ARK2C: variants seen among roughly 807,000 people sequenced by gnomAD.
The protein encoded by ARK2C is arkadia (RNF111) C-terminal like ring finger ubiquitin ligase 2C, also known as E3 ubiquitin-protein ligase ARK2C.
chr18:46,400,340 C>T, the ARK2C span, among the ~76,000 whole-genome samples: 1 of 152,162 alleles, frequency 6.6e-6, no homozygotes, highest in Admixed American at 6.5e-5. Flanking sequence ...TTTCTGTGTT[C>T]CCCGGAACAG....
the ARK2C span, among the ~76,000 whole-genome samples, chr18:46,399,298 T>C: frequency 6.6e-6 from 1 of 152,172 alleles, no homozygotes; most frequent in Non-Finnish European, 1.5e-5. Context: ...AGGACAAAGC[T>C]TGGACGTGGG....
chr18:46,362,822 C>T, the ARK2C span, among the ~76,000 whole-genome samples: 76 of 152,304 alleles, frequency 5.0e-4, no homozygotes, highest in South Asian at 0.013. Context: ...GCACAACATA[C>T]GAGAGCCAAG....
At chr18:46,433,621 C>A in the ARK2C span, 1 of 929,828 alleles carries the variant, frequency 1.1e-6, no homozygotes, top group South Asian at 1.8e-5. Flanking sequence ...GAGACGGGGG[C>A]GGGGCTACAG....
chr18:46,428,165 C>A, the ARK2C span, among the ~76,000 whole-genome samples: 7 of 151,818 alleles, frequency 4.6e-5, no homozygotes, highest in Non-Finnish European at 7.4e-5. Context: ...AATCCCAGCA[C>A]GTTGGGAGGC....
At chr18:46,435,222 A>C in the ARK2C span, 35 of 1,421,304 alleles carry the variant, frequency 2.5e-5, no homozygotes, top group Non-Finnish European at 3.3e-5. Flanking sequence ...CCGGTTTCTC[A>C]GAGCTCTTGA....
At chr18:46,400,508 T>A in the ARK2C span, among the ~76,000 whole-genome samples, 1 of 152,158 alleles carries the variant, frequency 6.6e-6, no homozygotes, top group Non-Finnish European at 1.5e-5. Flanking sequence ...TTCGTAAGAC[T>A]GTGTGACCTG....
chr18:46,426,304 T>A, the ARK2C span, among the ~76,000 whole-genome samples: 1 of 152,218 alleles, frequency 6.6e-6, no homozygotes, highest in African/African-American at 2.4e-5. Flanking sequence ...AGTGAGCCTT[T>A]TAGAGACTCG....
chr18:46,435,725 G>C, the ARK2C span, among the ~76,000 whole-genome samples: 3 of 152,198 alleles, frequency 2.0e-5, no homozygotes, highest in African/African-American at 4.8e-5. Context: ...GTCCCTGGGG[G>C]GAGAGCAGAA....
At chr18:46,348,010 A>G in the ARK2C span, among the ~76,000 whole-genome samples, 3 of 151,908 alleles carry the variant, frequency 2.0e-5, no homozygotes, top group African/African-American at 4.8e-5. Flanking sequence ...TGTGCCAGGC[A>G]CCCTCCTAAG....
the ARK2C span, among the ~76,000 whole-genome samples, chr18:46,452,445 A>G: frequency 6.6e-6 from 1 of 152,078 alleles, no homozygotes; most frequent in Middle Eastern, 3.4e-3. Flanking sequence ...ACACCCAGCT[A>G]ATTTTTATAT....
At chr18:46,447,315 C>T in the ARK2C span, 2 of 440,710 alleles carry the variant, frequency 4.5e-6, no homozygotes, top group Admixed American at 7.5e-5. Context: ...CTTTGGTCCC[C>T]TAGTTTAAAG....
chr18:46,435,303 G>A, the ARK2C span: 27 of 1,613,948 alleles, frequency 1.7e-5, no homozygotes, highest in South Asian at 2.1e-4. Flanking sequence ...AGTCAGGAGC[G>A]TGTATCTGTC....
the ARK2C span, among the ~76,000 whole-genome samples, chr18:46,361,867 T>TA: frequency 6.6e-6 from 1 of 152,266 alleles, no homozygotes; most frequent in African/African-American, 2.4e-5. Flanking sequence ...GGTTAGGTGA[T>TA]ATGCTCTGGA....
chr18:46,377,237 G>T, the ARK2C span, among the ~76,000 whole-genome samples: 5 of 152,130 alleles, frequency 3.3e-5, no homozygotes, highest in African/African-American at 1.2e-4. Context: ...ATCCTTTAAA[G>T]AAAAAAAGTT....
chr18:46,350,959 CT>C, the ARK2C span, among the ~76,000 whole-genome samples: 1 of 152,340 alleles, frequency 6.6e-6, no homozygotes, highest in South Asian at 2.1e-4. Context: ...CCCTCTGCCC[CT>C]GGCGTGTGTG....
the ARK2C span, chr18:46,460,899 T>G: frequency 6.6e-6 from 1 of 152,514 alleles, no homozygotes. Context: ...TTGCTACACT[T>G]GGCACCCCCC....
At chr18:46,371,212 C>T in the ARK2C span, among the ~76,000 whole-genome samples, 1 of 152,256 alleles carries the variant, frequency 6.6e-6, no homozygotes, top group African/African-American at 2.4e-5. Context: ...TCCACCTGGC[C>T]CTGCCCTTGA....
At chr18:46,349,214 G>T in the ARK2C span, among the ~76,000 whole-genome samples, 1 of 152,130 alleles carries the variant, frequency 6.6e-6, no homozygotes, top group African/African-American at 2.4e-5. Context: ...CATAGACTGG[G>T]TGGCTTATAA....
chr18:46,393,507 T>G, the ARK2C span, among the ~76,000 whole-genome samples: 1 of 152,126 alleles, frequency 6.6e-6, no homozygotes, highest in Non-Finnish European at 1.5e-5. Flanking sequence ...TGCCAGAGCT[T>G]CATACCCTGT....
Sources: allele counts gnomAD v4.1 joint callset (sites outside exome capture counted in the v4.1 genomes callset), GRCh38; gene constraint gnomAD v4.1.1; transcripts MANE v1.5; gene names NCBI Gene and HGNC (gene_info 2026-07-23, HGNC 2026-07-21).